Variants in ACSM3 observed in about 807,000 individuals in gnomAD.
ACSM3 encodes acyl-CoA synthetase medium chain family member 3.
ACSM3 carries 61 observed loss-of-function variants against 74.1 expected under a neutral mutation model. The observed-to-expected ratio is 0.82, with a 90% CI of 0.67 to 1.02. ACSM3 has a LOEUF of 1.02. Ranked by LOEUF, ACSM3 falls within the 50% of genes least tolerant of loss-of-function variation. The pLI, the probability that ACSM3 is intolerant of heterozygous loss-of-function variation, is 0.00. For missense variants in ACSM3, 660 were observed against 697.0 expected (o/e 0.95, Z 0.60); for synonymous variants, 213 against 241.5 (o/e 0.88, Z 1.09).
At chr16:20,678,217 T>C (rs2079352829) in intron 1 of ACSM3, among the ~76,000 whole-genome samples, 1 of 151,852 alleles carries the variant, frequency 6.6e-6, no homozygotes, top group African/African-American at 2.4e-5. Context: ...AATTTTCCAG[T>C]GGGAGGCTAG....
At chr16:20,758,432 G>T (rs906147823) in intron 3 of ACSM3, among the ~76,000 whole-genome samples, 2 of 152,068 alleles carry the variant, frequency 1.3e-5, no homozygotes, top group Non-Finnish European at 2.9e-5. Flanking sequence ...AGAGGTGTTT[G>T]TAGTATTCTC....
At chr16:20,699,765 G>C (rs572718481) in intron 1 of ACSM3, among the ~76,000 whole-genome samples, 95 of 152,292 alleles carry the variant, frequency 6.2e-4, no homozygotes, top group African/African-American at 2.2e-3. Context: ...GCCTGGGCTT[G>C]AGTCTAGCTT....
At chr16:20,708,321 C>A (rs1264117350) in intron 1 of ACSM3, among the ~76,000 whole-genome samples, 5 of 152,132 alleles carry the variant, frequency 3.3e-5, no homozygotes, top group Admixed American at 1.3e-4. Flanking sequence ...ACAACAACAA[C>A]AACAGCGACA....
intron 1 of ACSM3, chr16:20,735,476 A>G (rs866281081): frequency 6.6e-6 from 1 of 151,504 alleles, no homozygotes; most frequent in African/African-American, 2.4e-5. Flanking sequence ...CAAGTTTTTG[A>G]TATCAGCATC....
chr16:20,759,686 C>G (rs1370516261), upstream of ACSM3, among the ~76,000 whole-genome samples: 1 of 152,062 alleles, frequency 6.6e-6, no homozygotes, highest in Non-Finnish European at 1.5e-5. Flanking sequence ...CACACCTCGC[C>G]CTATGCATCT....
chr16:20,691,226 A>C, intron 1 of ACSM3: 2 of 1,494,806 alleles, frequency 1.3e-6, no homozygotes, highest in Non-Finnish European at 1.8e-6. Flanking sequence ...CAGAGTTCTC[A>C]AGTCACCACC....
chr16:20,754,065 T>C (rs557023998), intron 2 of ACSM3, among the ~76,000 whole-genome samples: 9 of 152,272 alleles, frequency 5.9e-5, no homozygotes, highest in Admixed American at 4.6e-4. Context: ...AATTTTTCCA[T>C]GGTCATTGGA....
chr16:20,779,642 T>C (rs2080309098), intron 4 of ACSM3, among the ~76,000 whole-genome samples: 1 of 152,140 alleles, frequency 6.6e-6, no homozygotes, highest in South Asian at 2.1e-4. Context: ...GTTTTCTTTC[T>C]CTTTAACTGG....
intron 1 of ACSM3, among the ~76,000 whole-genome samples, chr16:20,747,258 T>C (rs886480213): frequency 6.6e-6 from 1 of 152,182 alleles, no homozygotes; most frequent in African/African-American, 2.4e-5. Flanking sequence ...TCTTTCAGCT[T>C]CCGCCTTCCC....
At chr16:20,683,646 C>CTTTT (rs36182498) in intron 1 of ACSM3, among the ~76,000 whole-genome samples, 3 of 136,854 alleles carry the variant, frequency 2.2e-5, no homozygotes, top group African/African-American at 5.5e-5. Flanking sequence ...CAGCTCAAGT[C>CTTTT]TTTTTTTTTT....
At chr16:20,687,850 G>A (rs368422080) in intron 1 of ACSM3, among the ~76,000 whole-genome samples, 57 of 152,246 alleles carry the variant, frequency 3.7e-4, no homozygotes, top group African/African-American at 1.2e-3. Flanking sequence ...TTGGGAGGCC[G>A]AGGCTACCGG....
At chr16:20,731,803 G>C (rs2079832056) in intron 1 of ACSM3, 1 of 263,386 alleles carries the variant, frequency 3.8e-6, no homozygotes, top group Middle Eastern at 1.1e-3. Context: ...CTAAAATGTA[G>C]ATTTTACTGG....
intron 8 of ACSM3, 37 bp downstream of exon 8, chr16:20,785,144 A>C: frequency 6.2e-7 from 1 of 1,609,284 alleles, no homozygotes; most frequent in Non-Finnish European, 8.5e-7. Context: ...GCTGGATTCC[A>C]TTTAGTCAGA....
chr16:20,739,740 G>A (rs2079901327), intron 1 of ACSM3, among the ~76,000 whole-genome samples: 1 of 151,432 alleles, frequency 6.6e-6, no homozygotes, highest in African/African-American at 2.4e-5. Context: ...AGAATCGCTT[G>A]AACCCAGAAG....
At chr16:20,704,347 C>A (rs1411114445) in intron 1 of ACSM3, among the ~76,000 whole-genome samples, 1 of 152,138 alleles carries the variant, frequency 6.6e-6, no homozygotes, top group Non-Finnish European at 1.5e-5. Context: ...TACTGCCCAG[C>A]CTCACGAAAG....
chr16:20,741,463 C>G (rs1469588516), intron 1 of ACSM3: 1 of 1,476,718 alleles, frequency 6.8e-7, no homozygotes, highest in Non-Finnish European at 9.0e-7. Context: ...TCCCTCCTCC[C>G]GCAAGGCCTG....
At chr16:20,732,575 T>C (rs2079837137) in intron 1 of ACSM3, among the ~76,000 whole-genome samples, 1 of 152,174 alleles carries the variant, frequency 6.6e-6, no homozygotes, top group Non-Finnish European at 1.5e-5. Context: ...CTAAGTGTTC[T>C]TTTTGCATTT....
chr16:20,774,989 T>G (rs1363996883), intron 2 of ACSM3, among the ~76,000 whole-genome samples: 9 of 151,968 alleles, frequency 5.9e-5, no homozygotes, highest in Non-Finnish European at 1.3e-4. Context: ...CTCTGGGGAG[T>G]GTGCTTTAGT....
At chr16:20,783,466 G>A (rs141184430) in intron 7 of ACSM3, 9 of 152,270 alleles carry the variant, frequency 5.9e-5, no homozygotes, top group Admixed American at 5.9e-4. Flanking sequence ...ATCCTCCAAT[G>A]AGCATTTCCT....
Sources: allele counts gnomAD v4.1 joint callset (sites outside exome capture counted in the v4.1 genomes callset), GRCh38; gene constraint gnomAD v4.1.1; transcripts MANE v1.5; gene names NCBI Gene and HGNC (gene_info 2026-07-23, HGNC 2026-07-21).